The following JCAD variants were observed in gnomAD, a reference collection of about 807,000 sequenced individuals.
The protein encoded by JCAD is junctional cadherin 5 associated.
A neutral mutation model predicts 98.0 loss-of-function variants in JCAD; 40 were observed. The observed-to-expected ratio is 0.41, with a 90% CI of 0.32 to 0.53. JCAD has a LOEUF of 0.53. Among genes scored for constraint, JCAD ranks in the 20% least tolerant of loss-of-function variants. The pLI, the probability that JCAD is intolerant of heterozygous loss-of-function variation, is 0.31. For synonymous variants in JCAD, 691 were observed against 682.3 expected, an observed-to-expected ratio of 1.01 and a Z score of -0.20; for missense variants, 1,705 against 1,738.1, an observed-to-expected ratio of 0.98 and a Z score of 0.34.
chr10:30,102,595 C>G (rs931411918), intron 1 of JCAD, among the ~76,000 whole-genome samples: 1 of 152,160 alleles, frequency 6.6e-6, no homozygotes, highest in Non-Finnish European at 1.5e-5. Flanking sequence ...CAACACCTTC[C>G]GCTTTCTACC....
Position 30,029,077 on chromosome 10 carries a change from G to GT in JCAD, c.1070dup (p.Tyr357Ter). The change falls in exon 3 of 4, where the codon TAC becomes TAAC. Residue 357 changes from tyrosine to a stop codon, truncating the protein, a stop_gained and frameshift_variant. Transcript: ENST00000375377. LOFTEE classifies it high-confidence loss of function. ...RSPPQNIPNP[Y>*]LEDTVPINVC... ...CATTTATGGGCACCGTGTCTTCCAAGTAGGGGTTTGGGATGTTCTGCGGGG... is the reference window on the plus strand; with the variant it reads ...CATTTATGGGCACCGTGTCTTCCAAGTTAGGGGTTTGGGATGTTCTGCGGGG... The GT allele has an allele frequency of 6.2e-7, 1 of 1,614,170 alleles. No individual in the cohort carries two copies. Among genetic ancestry groups the GT allele is most frequent in the Non-Finnish European group, 8.5e-7 (1 of 1,180,040 alleles).
At chr10:30,020,355 A>C (rs1836638583) in intron 3 of JCAD, among the ~76,000 whole-genome samples, 1 of 151,878 alleles carries the variant, frequency 6.6e-6, no homozygotes, top group Non-Finnish European at 1.5e-5. Flanking sequence ...AAAGAAAAAG[A>C]AAAGTGAAAA....
In JCAD at chr10:30,026,986, G is replaced by A. The variant is rs747184647; in HGVS notation, c.3162C>T (p.Thr1054=). The change falls in exon 3 of 4, where the codon ACC becomes ACT. Residue 1054 remains threonine (T), a synonymous_variant. Coordinates refer to ENST00000375377, the MANE Select transcript of JCAD (RefSeq NM_020848.4). ...SAPDLRSVGL[T]PGQEQGASEL... ...CACTGGCACCCTGTTCTTGCCCAGG[G>A]GTGAGCCCCACAGACCGTAAGTCTG... 742 of 1,614,076 alleles carry A rather than the reference G, an allele frequency of 4.6e-4. 2 individuals carry two copies. Among genetic ancestry groups the A allele is most frequent in the Admixed American group, 1.0e-3 (62 of 60,006 alleles).
intron 1 of JCAD, among the ~76,000 whole-genome samples, chr10:30,079,346 CAAAAAAAAAAAA>C (rs373809311): frequency 1.2e-4 from 8 of 64,674 alleles, no homozygotes; most frequent in Non-Finnish European, 2.5e-4. Context: ...GACTCCATCT[CAAAAAAAAAAAA>C]AAAAAAAAAG....
intron 1 of JCAD, among the ~76,000 whole-genome samples, chr10:30,083,406 T>G (rs1838118559): frequency 6.6e-6 from 1 of 152,226 alleles, no homozygotes; most frequent in Non-Finnish European, 1.5e-5. Flanking sequence ...TGTCAGATTT[T>G]CTGTATGTGT....
At chr10:30,087,343 A>G (rs7098489) in intron 1 of JCAD, among the ~76,000 whole-genome samples, 4,104 of 152,178 alleles carry the variant, frequency 0.027, 167 homozygotes, top group African/African-American at 0.089. Flanking sequence ...GGAGGCTGAG[A>G]AGGGAAAATC....
intron 1 of JCAD, among the ~76,000 whole-genome samples, chr10:30,112,723 T>G (rs1838726080): frequency 6.6e-6 from 1 of 151,626 alleles, no homozygotes; most frequent in African/African-American, 2.4e-5. Flanking sequence ...AATAAAAAAA[T>G]TAGCCAGGCG....
chr10:30,083,368 A>G (rs148212883), intron 1 of JCAD, among the ~76,000 whole-genome samples: 270 of 152,270 alleles, frequency 1.8e-3, no homozygotes, highest in African/African-American at 6.2e-3. Flanking sequence ...TCCTTTTCTA[A>G]AGGAATGGTT....
intron 1 of JCAD, among the ~76,000 whole-genome samples, chr10:30,098,310 A>G (rs1838410927): frequency 6.6e-6 from 1 of 151,988 alleles, no homozygotes; most frequent in South Asian, 2.1e-4. Flanking sequence ...GGTTTCTTCC[A>G]TGCTACCCCT....
In JCAD at chr10:30,016,082, A is replaced by G. The variant is rs367623344; in HGVS notation, c.*1801T>C. On this transcript the variant is annotated 3_prime_UTR_variant, in exon 4 of 4. Coordinates refer to ENST00000375377, the MANE Select transcript of JCAD (RefSeq NM_020848.4). ...AGATAAGTGTTTTGAAAAGGCTTGG[A>G]AAGATTTTTCGGGGCGACTTAGGTT... is the stretch of plus-strand genomic sequence containing the variant. 146 of 152,332 alleles carry G rather than the reference A, an allele frequency of 9.6e-4. No individual in the cohort carries two copies. Among genetic ancestry groups the G allele is most frequent in the African/African-American group, 3.3e-3 (137 of 41,578 alleles). The allele number at this position is 152,332 out of a possible 1,614,324, so 9.4% of individuals were successfully genotyped here. A position where few individuals can be genotyped will look rare whatever the true frequency, so the allele number is the denominator to read the frequency against.
At chr10:30,082,272 C>T (rs1838099448) in intron 1 of JCAD, among the ~76,000 whole-genome samples, 1 of 152,104 alleles carries the variant, frequency 6.6e-6, no homozygotes, top group Non-Finnish European at 1.5e-5. Flanking sequence ...CTAAGAAAAG[C>T]TCTCACTTAA....
Position 30,028,981 on chromosome 10 carries a change from G to T in JCAD, c.1167C>A (p.Gly389=), listed in dbSNP as rs753308346. ...KAGASGQPPS[G]PPGTGNEYGV... is the part of the protein sequence containing the mutation. ...CATACTCATTCCCAGTTCCAGGGGG[G>T]CCTGAAGGAGGCTGACCGCTGGCCC... Residue 389 remains glycine (G), a synonymous_variant, in exon 3 of 4, where the codon GGC becomes GGA. Coordinates refer to ENST00000375377, the MANE Select transcript of JCAD (RefSeq NM_020848.4). 3 of 1,613,894 alleles carry T rather than the reference G, an allele frequency of 1.9e-6. No homozygotes were observed. Among genetic ancestry groups the T allele is most frequent in the African/African-American group, 1.3e-5 (1 of 74,914 alleles).
intron 2 of JCAD, among the ~76,000 whole-genome samples, chr10:30,033,841 G>C (rs375562069): frequency 6.6e-6 from 1 of 152,166 alleles, no homozygotes; most frequent in African/African-American, 2.4e-5. Context: ...CTGTGGGCAG[G>C]AGCCCTGGTA....
intron 2 of JCAD, among the ~76,000 whole-genome samples, chr10:30,030,390 G>A (rs1372196511): frequency 6.6e-6 from 1 of 152,176 alleles, no homozygotes; most frequent in Non-Finnish European, 1.5e-5. Flanking sequence ...GCAGTGAGCT[G>A]TGATTGCGCC....
At chr10:30,113,548 CAAAAAAAAA>C (rs71023545) in intron 1 of JCAD, among the ~76,000 whole-genome samples, 5 of 15,964 alleles carry the variant, frequency 3.1e-4, no homozygotes, top group African/African-American at 6.1e-4. Context: ...GAGACACTGT[CAAAAAAAAA>C]AAAAAAAAAA....
rs994959015 is a variant in JCAD at position 30,029,721 on chromosome 10, G to A, written c.427C>T (p.His143Tyr). ...TCCCTCACGTGGACAGGCAGGCTGT[G>A]GGCTTGGGCCATTCCTCTGGCCTCC... ...NLEARGMAQAHSLPVHVREGP... is the reference protein window; with the variant it reads ...NLEARGMAQAYSLPVHVREGP... The change falls in exon 3 of 4, where the codon CAC (histidine) becomes TAC (tyrosine). Residue 143 changes from histidine to tyrosine, a missense_variant. By Grantham distance (83) the His-to-Tyr change is moderately conservative. Coordinates refer to ENST00000375377, the MANE Select transcript of JCAD (RefSeq NM_020848.4). 8 of 1,614,110 alleles carry A rather than the reference G, an allele frequency of 5.0e-6. No individual in the cohort carries two copies. Among genetic ancestry groups the A allele is most frequent in the Non-Finnish European group, 6.8e-6 (8 of 1,180,052 alleles).
In JCAD at chr10:30,027,394, C is replaced by A; in HGVS notation, c.2754G>T (p.Glu918Asp). The A allele has an allele frequency of 6.2e-7, 1 of 1,606,628 alleles. No individual in the cohort carries two copies. The highest frequency in any genetic ancestry group is 8.5e-7 in the Non-Finnish European group (1 of 1,179,998). ...CACGTGGGTGGCCAGGCTGCAGCTC[C>A]TCACTCCAGCTCTCAGACTTACTCT... Reference protein sequence around the residue: ...RGESKSESWSEELQPGHPRAW... With the variant: ...RGESKSESWSDELQPGHPRAW... Residue 918 changes from glutamate to aspartate, a missense_variant, in exon 3 of 4, where the codon GAG becomes GAT. Glu to Asp is a conservative substitution (Grantham distance 45). Around this residue, in one of 3 missense-constraint regions of JCAD, gnomAD observed 1,278 missense variants for 1,243.1 expected, o/e 1.03. Coordinates refer to ENST00000375377, the MANE Select transcript of JCAD (RefSeq NM_020848.4).
intron 1 of JCAD, among the ~76,000 whole-genome samples, chr10:30,072,928 G>A (rs1274930369): frequency 6.6e-6 from 1 of 152,136 alleles, no homozygotes. Flanking sequence ...GTGAACCACC[G>A]CACCCAGCCA....
In JCAD at chr10:30,014,679, C is replaced by T. The variant is rs1396445032; in HGVS notation, c.*3204G>A. ...TCCTTTTTCTTCAGAAGCCCCAAAC[C>T]GAGATGCTGTCAGAATAAGTCATTT... On this transcript the variant is annotated 3_prime_UTR_variant, in exon 4 of 4. Coordinates refer to ENST00000375377, the MANE Select transcript of JCAD (RefSeq NM_020848.4). 6.6e-6 allele frequency: 1 copy of T among 152,098 alleles called. No individual in the cohort carries two copies. The highest frequency in any genetic ancestry group is 1.9e-4 in the East Asian group (1 of 5,190). 9.4% of individuals were successfully genotyped at this position (152,098 alleles called of 1,614,324 possible). A position where few individuals can be genotyped will look rare whatever the true frequency, so the allele number is the denominator to read the frequency against.
Sources: allele counts gnomAD v4.1 joint callset (sites outside exome capture counted in the v4.1 genomes callset), GRCh38; gene constraint gnomAD v4.1.1; regional missense constraint gnomAD v4.1.1; transcripts MANE v1.5; gene names NCBI Gene and HGNC (gene_info 2026-07-23, HGNC 2026-07-21).